The following ANKRD55 variants were observed in gnomAD, a reference collection of about 807,000 sequenced individuals.
ANKRD55 encodes the protein ankyrin repeat domain-containing protein 55.
A neutral mutation model predicts 60.6 loss-of-function variants in ANKRD55; 41 were observed. The ratio of observed to expected loss-of-function variants is 0.68; its 90% confidence interval spans 0.53 to 0.88. The LOEUF is 0.88. Among genes scored for constraint, ANKRD55 ranks in the 40% least tolerant of loss-of-function variants. ANKRD55 has a pLI of 0.00. For synonymous variants in ANKRD55, 264 were observed against 290.3 expected (o/e 0.91, Z 0.92); for missense variants, 732 against 767.6 (o/e 0.95, Z 0.55).
chr5:56,199,753 T>C (rs1759318978), intron 2 of ANKRD55, among the ~76,000 whole-genome samples: 1 of 151,264 alleles, frequency 6.6e-6, no homozygotes, highest in Non-Finnish European at 1.5e-5. Context: ...TAGCTGGGCG[T>C]GGTGGCGGGC....
At position 56,134,210 on chromosome 5, in the gene ANKRD55, T is replaced by C. The variant is rs1757495304; in HGVS notation, c.613-7104A>G. On this transcript the variant is annotated intron_variant, in intron 7 of 11. Coordinates refer to ENST00000341048, the MANE Select transcript of ANKRD55 (RefSeq NM_024669.3). ...TGATAACATATTTGAAATGGACCAA[T>C]TCCTTAAAAGACACAATCTACCAAA... Among the ~76,000 whole-genome samples, 2 of 115,700 alleles carry C rather than the reference T, an allele frequency of 1.7e-5. 1 individual carries two copies. Among genetic ancestry groups the C allele is most frequent in the Non-Finnish European group, 4.1e-5 (2 of 48,800 alleles). The allele number at this position is 115,700 out of a possible 152,430, so 75.9% of individuals were successfully genotyped here.
chr5:56,154,554 C>T (rs541468304), intron 6 of ANKRD55, among the ~76,000 whole-genome samples: 23 of 149,056 alleles, frequency 1.5e-4, no homozygotes, highest in South Asian at 4.2e-4. Context: ...TTGGCAAAAA[C>T]GGAATTACAG....
intron 10 of ANKRD55, among the ~76,000 whole-genome samples, chr5:56,103,966 C>T (rs891402243): frequency 6.6e-6 from 1 of 152,134 alleles, no homozygotes; most frequent in Non-Finnish European, 1.5e-5. Context: ...CTCCAGTCTC[C>T]CTGGTGGATA....
intron 2 of ANKRD55, chr5:56,193,423 C>A: frequency 1.7e-6 from 1 of 577,968 alleles, no homozygotes; most frequent in South Asian, 1.8e-5. Context: ...CAACTATTAT[C>A]CTCCTGTAGA....
intron 10 of ANKRD55, chr5:56,110,578 T>TG (rs1291992454): frequency 2.0e-5 from 3 of 153,790 alleles, no homozygotes; most frequent in African/African-American, 7.3e-5. Context: ...ACTGGATAGC[T>TG]GGGGAAGACG....
chr5:56,227,088 C>G lies in ANKRD55; in HGVS notation c.58+5768G>C, dbSNP rs564455492. 3.9e-5 allele frequency among the ~76,000 whole-genome samples: 6 copies of G among 152,180 alleles called. No homozygotes were observed. In the East Asian group the frequency reaches 1.2e-3, roughly 29 times the overall value. ...CAATAGCAAAGACTTGGAACCAACC[C>G]AAATGTCCATCGATGATAGACTGGA... On this transcript the variant is annotated intron_variant, in intron 2 of 11. Transcript: ENST00000341048.
At position 56,229,086 on chromosome 5, in the gene ANKRD55, C is replaced by T. The variant is rs538846894; in HGVS notation, c.58+3770G>A. On this transcript the variant is annotated intron_variant, in intron 2 of 11. Coordinates refer to ENST00000341048, the MANE Select transcript of ANKRD55 (RefSeq NM_024669.3). ...CCATCCCCCCACCTCCCGCCGACCC[C>T]TCGCCTGTTTTTTTTTTTTTTTTTC... 3.4e-5 allele frequency among the ~76,000 whole-genome samples: 5 copies of T among 145,830 alleles called. No individual in the cohort carries two copies. The East Asian group carries it at 1.1e-3, about 32-fold the overall frequency.
At chr5:56,122,460 G>A (rs926561911) in intron 8 of ANKRD55, among the ~76,000 whole-genome samples, 1 of 151,882 alleles carries the variant, frequency 6.6e-6, no homozygotes, top group African/African-American at 2.4e-5. Context: ...AGACCAGTCT[G>A]GCCAACATGG....
Position 56,099,907 on chromosome 5 carries a change from CAT to C in ANKRD55, c.*274_*275del. The C allele has an allele frequency of 3.0e-6, 1 of 330,890 alleles. No individual in the cohort carries two copies. The highest frequency in any genetic ancestry group is 5.6e-6 in the Non-Finnish European group (1 of 179,414). The allele number at this position is 330,890 out of a possible 1,614,324, so 20.5% of individuals were successfully genotyped here. A position where few individuals can be genotyped will look rare whatever the true frequency, so the allele number is the denominator to read the frequency against. On this transcript the variant is annotated 3_prime_UTR_variant, in exon 12 of 12. Transcript: ENST00000341048. Reference sequence around the variant, plus strand: ...TGCACATGCCACAAAGCAAACCAAACATAGCTCAGTTTTCCTACTGATAACAT... The same window carrying C: ...TGCACATGCCACAAAGCAAACCAAACAGCTCAGTTTTCCTACTGATAACAT...
intron 2 of ANKRD55, among the ~76,000 whole-genome samples, chr5:56,210,047 G>T (rs564019128): frequency 6.6e-6 from 1 of 151,670 alleles, no homozygotes; most frequent in Admixed American, 6.6e-5. Flanking sequence ...TCGTTCTGTC[G>T]CCCAGGCTGG....
chr5:56,204,862 C>A (rs72749961), intron 2 of ANKRD55, among the ~76,000 whole-genome samples: 19,099 of 152,192 alleles, frequency 0.13, 2,615 homozygotes, highest in African/African-American at 0.33. Context: ...GAATCAAATA[C>A]ATGACTCCAC....
At chr5:56,165,574 A>G (rs1156774629) in intron 5 of ANKRD55, among the ~76,000 whole-genome samples, 1 of 152,058 alleles carries the variant, frequency 6.6e-6, no homozygotes, top group Admixed American at 6.6e-5. Context: ...CAGCGTTTCC[A>G]CACATTTTCT....
rs773608846 is a variant in ANKRD55 at position 56,127,060 on chromosome 5, C to A, written c.659G>T (p.Gly220Val). ...LCSIILSHHQ[G>V]PSIINYDDES... ...ATCATCATAGTTGATTATGGACGGCCCCTGGTGATGGCTCAGAATGATGGA... is the reference window on the plus strand; with the variant it reads ...ATCATCATAGTTGATTATGGACGGCACCTGGTGATGGCTCAGAATGATGGA... Residue 220 changes from glycine (G) to valine (V), a missense_variant, in exon 8 of 12, where the codon GGG becomes GTG. Coordinates refer to ENST00000341048, the MANE Select transcript of ANKRD55 (RefSeq NM_024669.3). 6.2e-7 allele frequency: 1 copy of A among 1,613,430 alleles called. No homozygotes were observed. Among genetic ancestry groups the A allele is most frequent in the Non-Finnish European group, 8.5e-7 (1 of 1,179,778 alleles).
chr5:56,214,855 C>T (rs1759763462), intron 2 of ANKRD55, among the ~76,000 whole-genome samples: 1 of 152,194 alleles, frequency 6.6e-6, no homozygotes. Context: ...CCCTGCTGGG[C>T]CGGCCCAGTT....
At chr5:56,184,009 A>G (rs1438020313) in intron 2 of ANKRD55, among the ~76,000 whole-genome samples, 1 of 151,976 alleles carries the variant, frequency 6.6e-6, no homozygotes, top group Non-Finnish European at 1.5e-5. Flanking sequence ...CCTCCCAATA[A>G]CTCAGTTTAC....
At chr5:56,166,153 T>TTCCTTCCTTCCTTCCTTC (rs1561277854) in intron 5 of ANKRD55, among the ~76,000 whole-genome samples, 2 of 49,504 alleles carry the variant, frequency 4.0e-5, no homozygotes, top group Admixed American at 2.1e-4. Context: ...TTTCTTTCTT[T>TTCCTTCCTTCCTTCCTTC]CTTCTTTCCT....
intron 2 of ANKRD55, among the ~76,000 whole-genome samples, chr5:56,216,292 A>T (rs1297336088): frequency 1.3e-5 from 2 of 152,068 alleles, no homozygotes; most frequent in East Asian, 3.9e-4. Flanking sequence ...GTGTTCTCTG[A>T]CTGCTCCACT....
At chr5:56,104,575 A>C (rs1282828710) in intron 10 of ANKRD55, among the ~76,000 whole-genome samples, 3 of 152,160 alleles carry the variant, frequency 2.0e-5, no homozygotes, top group Non-Finnish European at 4.4e-5. Flanking sequence ...CTTTGGGGAC[A>C]GGGTCAAGGA....
Position 56,188,004 on chromosome 5 carries a change from C to G in ANKRD55, c.59-4370G>C, listed in dbSNP as rs115231284. On this transcript the variant is annotated intron_variant, in intron 2 of 11. Coordinates refer to ENST00000341048, the MANE Select transcript of ANKRD55 (RefSeq NM_024669.3). ...AGTTTTTGCACTCAACTTCCCCTCTCCCTGTTGATAAGGTAAACCTGATTA... is the reference window on the plus strand; with the variant it reads ...AGTTTTTGCACTCAACTTCCCCTCTGCCTGTTGATAAGGTAAACCTGATTA... 6.5e-3 allele frequency among the ~76,000 whole-genome samples: 983 copies of G among 152,318 alleles called. 15 individuals carry two copies. The highest frequency in any genetic ancestry group is 0.022 in the African/African-American group (926 of 41,572).
Sources: gnomAD v4.1 joint callset for allele counts (sites outside exome capture counted in the v4.1 genomes callset) on GRCh38, gnomAD v4.1.1 for gene constraint, MANE v1.5 for transcripts, NCBI Gene and HGNC (gene_info 2026-07-23, HGNC 2026-07-21) for gene names.